Variants in MAD1L1 observed in about 807,000 individuals in gnomAD.
MAD1L1 encodes the protein mitotic arrest deficient 1 like 1.
A neutral mutation model predicts 96.9 loss-of-function variants in MAD1L1; 95 were observed. The ratio of observed to expected loss-of-function variants is 0.98; its 90% CI spans 0.83 to 1.16. The LOEUF is 1.16. Among genes scored for constraint, MAD1L1 ranks in the 50% most tolerant of loss-of-function variants. The probability of loss-of-function intolerance (pLI) is 0.00; values close to 1 mark genes in which losing one functional copy is unlikely to be tolerated. For missense variants in MAD1L1, 1,007 were observed against 954.4 expected (o/e 1.06, Z -0.73); for synonymous variants, 473 against 396.6 (o/e 1.19, Z -2.29).
At chr7:2,105,303 C>T (rs1392355955) in intron 11 of MAD1L1, among the ~76,000 whole-genome samples, 1 of 152,092 alleles carries the variant, frequency 6.6e-6, no homozygotes, top group Non-Finnish European at 1.5e-5. Flanking sequence ...AAGCCAGCAG[C>T]GAGGTGGAGT....
At chr7:2,038,705 G>A (rs571846565) in intron 12 of MAD1L1, among the ~76,000 whole-genome samples, 3 of 148,468 alleles carry the variant, frequency 2.0e-5, no homozygotes, top group South Asian at 2.2e-4. Context: ...GTAGAGACAG[G>A]GTTTCACCAT....
chr7:2,209,748 G>A (rs547044340), intron 10 of MAD1L1, among the ~76,000 whole-genome samples: 3 of 152,288 alleles, frequency 2.0e-5, no homozygotes, highest in Non-Finnish European at 2.9e-5. Flanking sequence ...GCAAGCAGAC[G>A]CCAGCCCACC....
intron 11 of MAD1L1, among the ~76,000 whole-genome samples, chr7:2,140,961 T>C (rs1279641658): frequency 6.6e-6 from 1 of 152,250 alleles, no homozygotes; most frequent in Admixed American, 6.5e-5. Context: ...CCATTTTAAA[T>C]ATGGAAATGC....
At chr7:2,225,833 G>A (rs1016841633) in intron 3 of MAD1L1, among the ~76,000 whole-genome samples, 7 of 152,236 alleles carry the variant, frequency 4.6e-5, no homozygotes, top group Admixed American at 1.3e-4. Context: ...ACCAGCCAAC[G>A]GCTCCGTGGG....
chr7:1,965,017 G>T (rs912291967), intron 15 of MAD1L1, among the ~76,000 whole-genome samples: 5 of 152,188 alleles, frequency 3.3e-5, no homozygotes, highest in Non-Finnish European at 5.9e-5. Flanking sequence ...CCTCCCCAGT[G>T]GGCCTTGACC....
intron 18 of MAD1L1, chr7:1,847,823 C>T (rs1423367684): frequency 2.5e-6 from 1 of 403,030 alleles, no homozygotes; most frequent in African/African-American, 2.0e-5. Flanking sequence ...GGCTCCAGGC[C>T]TCCACTTGCT....
intron 11 of MAD1L1, among the ~76,000 whole-genome samples, chr7:2,127,737 G>A (rs1291893163): frequency 6.6e-6 from 1 of 152,158 alleles, no homozygotes; most frequent in East Asian, 1.9e-4. Context: ...GCCCACCAAA[G>A]ACCCCTGCAC....
intron 16 of MAD1L1, among the ~76,000 whole-genome samples, chr7:1,940,935 C>G (rs55788209): frequency 5.7e-4 from 54 of 93,936 alleles, no homozygotes; most frequent in Admixed American, 9.5e-4. Context: ...CCCTCCTCCC[C>G]CAGGCCTCAC....
chr7:1,902,327 C>G (rs138020326), intron 17 of MAD1L1, among the ~76,000 whole-genome samples: 31 of 152,310 alleles, frequency 2.0e-4, no homozygotes, highest in African/African-American at 7.5e-4. Flanking sequence ...GCACTTATCT[C>G]AAGAGGCCCA....
At chr7:2,005,883 T>G (rs1782009042) in intron 13 of MAD1L1, among the ~76,000 whole-genome samples, 1 of 152,120 alleles carries the variant, frequency 6.6e-6, no homozygotes, top group African/African-American at 2.4e-5. Context: ...GATGGCCAAA[T>G]GGGACACTGC....
chr7:2,161,634 G>T (rs1038153567), intron 10 of MAD1L1, among the ~76,000 whole-genome samples: 4 of 149,408 alleles, frequency 2.7e-5, no homozygotes, highest in African/African-American at 5.0e-5. Flanking sequence ...GCCTCTTCCC[G>T]GCCGACATCC....
intron 11 of MAD1L1, among the ~76,000 whole-genome samples, chr7:2,108,732 C>T (rs1164667866): frequency 2.0e-5 from 3 of 152,346 alleles, no homozygotes; most frequent in East Asian, 1.9e-4. Context: ...AAACTTTCAT[C>T]TCCTTTCAGA....
At chr7:2,065,282 G>C (rs577495583) in intron 12 of MAD1L1, among the ~76,000 whole-genome samples, 51 of 152,226 alleles carry the variant, frequency 3.4e-4, no homozygotes, top group African/African-American at 1.2e-3. Context: ...TGCACCCAGC[G>C]AATACAGACA....
intron 18 of MAD1L1, among the ~76,000 whole-genome samples, chr7:1,885,962 C>A (rs1583655414): frequency 1.3e-5 from 2 of 152,256 alleles, no homozygotes; most frequent in Admixed American, 1.3e-4. Flanking sequence ...ATTCTATGCC[C>A]CCAGCAGCAG....
chr7:1,950,733 C>T (rs1303047397), intron 16 of MAD1L1, among the ~76,000 whole-genome samples: 1 of 152,208 alleles, frequency 6.6e-6, no homozygotes, highest in African/African-American at 2.4e-5. Context: ...GGGGAGGGTG[C>T]TCTAGTGGGG....
intron 13 of MAD1L1, among the ~76,000 whole-genome samples, chr7:2,009,699 T>C (rs1394566451): frequency 6.6e-6 from 1 of 152,060 alleles, no homozygotes; most frequent in Non-Finnish European, 1.5e-5. Flanking sequence ...CTGCAGCCCC[T>C]GATGCAAGGA....
intron 13 of MAD1L1, among the ~76,000 whole-genome samples, chr7:2,007,901 A>C (rs1782105988): frequency 6.6e-6 from 1 of 152,222 alleles, no homozygotes; most frequent in Non-Finnish European, 1.5e-5. Flanking sequence ...ATAAAAGTAA[A>C]TGAACTGCTG....
chr7:2,138,190 T>C (rs1194354101), intron 11 of MAD1L1, among the ~76,000 whole-genome samples: 1 of 152,110 alleles, frequency 6.6e-6, no homozygotes, highest in Non-Finnish European at 1.5e-5. Context: ...AATGCCAGCT[T>C]TTTTTTAACT....
At chr7:2,116,007 G>T (rs528708360) in intron 11 of MAD1L1, among the ~76,000 whole-genome samples, 2 of 152,338 alleles carry the variant, frequency 1.3e-5, no homozygotes, top group African/African-American at 4.8e-5. Flanking sequence ...GTGGGAATGG[G>T]GCCCAGCCCC....
Sources: gnomAD v4.1 joint callset for allele counts (sites outside exome capture counted in the v4.1 genomes callset) on GRCh38, gnomAD v4.1.1 for gene constraint, MANE v1.5 for transcripts, NCBI Gene and HGNC (gene_info 2026-07-23, HGNC 2026-07-21) for gene names.